Variants in MLLT6 observed in about 807,000 individuals in gnomAD.
MLLT6 encodes the protein protein AF-17.
Under a neutral mutation model 103.0 loss-of-function variants are expected in MLLT6, and 22 were observed. The observed-to-expected ratio is 0.21, with a 90% CI of 0.15 to 0.31. The LOEUF (loss-of-function observed/expected upper bound fraction) is 0.31, where lower values mean the gene tolerates loss of function less well. Among genes scored for constraint, MLLT6 ranks in the 10% least tolerant of loss-of-function variants. MLLT6 has a pLI of 1.00. For missense variants in MLLT6, 1,199 were observed against 1,441.7 expected, an observed-to-expected ratio of 0.83 and a Z score of 2.73; for synonymous variants, 606 against 623.5, an observed-to-expected ratio of 0.97 and a Z score of 0.42.
chr17:38,721,787 T>C lies in MLLT6; in HGVS notation c.2443-91T>C, dbSNP rs562486047. On this transcript the variant is annotated intron_variant, in intron 16 of 19. Transcript: ENST00000621332. ...TGCCTGGGGGTGAAGTGGGGGTTGCTGTGCTCTGTGAGAATGCTGGTGGGT... is the reference window on the plus strand; with the variant it reads ...TGCCTGGGGGTGAAGTGGGGGTTGCCGTGCTCTGTGAGAATGCTGGTGGGT... The C allele has an allele frequency of 2.9e-4, 249 of 853,492 alleles. 1 individual carries two copies. The African/African-American group carries it at 4.0e-3, about 14-fold the overall frequency. The allele number at this position is 853,492 out of a possible 1,614,324, so 52.9% of individuals were successfully genotyped here.
intron 17 of MLLT6, 26 bp downstream of exon 17, chr17:38,722,253 G>T: frequency 7.4e-7 from 1 of 1,356,944 alleles, no homozygotes; most frequent in South Asian, 1.8e-5. Flanking sequence ...GCCCTGGGAA[G>T]GGGAACAGGG....
At position 38,712,028 on chromosome 17, in the gene MLLT6, C is replaced by T. The variant is rs1275054588; in HGVS notation, c.720+14C>T. On this transcript the variant is annotated intron_variant, in intron 7 of 19. Coordinates refer to ENST00000621332, the MANE Select transcript of MLLT6 (RefSeq NM_005937.4). ...GGCCAGAAGAAGGTAGAAGTCCTCC[C>T]CCACCTGCCATCACTCCCACACGGG... 3.3e-6 allele frequency: 5 copies of T among 1,535,954 alleles called. No homozygotes were observed. Among genetic ancestry groups the T allele is most frequent in the African/African-American group, 1.4e-5 (1 of 72,316 alleles).
In MLLT6 at chr17:38,711,907, A is replaced by G. The variant is rs1472459983; in HGVS notation, c.613A>G (p.Met205Val). 2.5e-6 allele frequency: 4 copies of G among 1,607,738 alleles called. No homozygotes were observed. Among genetic ancestry groups the G allele is most frequent in the Non-Finnish European group, 3.4e-6 (4 of 1,176,710 alleles). ...AGGCGCTGGAGGAGGAGGTGGCAGC[A>G]TGGGGGGAGGTGGCAGTGGTTTCAT... The part of the protein sequence containing the change: ...GGGAGGGGGS[M>V]GGGGSGFISG... The change falls in exon 7 of 20, where the codon ATG becomes GTG. Residue 205 changes from methionine to valine, a missense_variant. Met to Val is a conservative substitution (Grantham distance 21). This residue lies in a region of MLLT6 where 1,034 missense variants were observed against 1,091.5 expected (regional missense o/e 0.95). Coordinates refer to ENST00000621332, the MANE Select transcript of MLLT6 (RefSeq NM_005937.4).
Position 38,724,763 on chromosome 17 carries a change from C to T in MLLT6, c.3027C>T (p.Thr1009=). The part of the protein sequence containing the change: ...GSSTPLLSAG[T]PGLLPTASAP... The stretch of plus-strand genomic sequence containing the variant: ...CCACCCCGCTGCTGTCTGCGGGTAC[C>T]CCTGGCCTGCTGCCCACAGCGTCTG... Residue 1009 remains threonine (T), a synonymous_variant, in exon 19 of 20, where the codon ACC becomes ACT. Transcript: ENST00000621332. This position sits in a 1 kb window ranked among gnomAD's most constrained non-coding sequence, Gnocchi z 5.4. The T allele has an allele frequency of 6.2e-7, 1 of 1,608,730 alleles. No individual in the cohort carries two copies.
At position 38,712,030 on chromosome 17, in the gene MLLT6, C is replaced by A. The variant is rs539272926; in HGVS notation, c.720+16C>A. The A allele has an allele frequency of 1.5e-5, 23 of 1,532,580 alleles. No homozygotes were observed. Among genetic ancestry groups the A allele is most frequent in the African/African-American group, 5.5e-5 (4 of 72,316 alleles). The allele number at this position is 1,532,580 out of a possible 1,614,324, so 94.9% of individuals were successfully genotyped here. Reference sequence around the variant, plus strand: ...CCAGAAGAAGGTAGAAGTCCTCCCCCACCTGCCATCACTCCCACACGGGGA... The same window carrying A: ...CCAGAAGAAGGTAGAAGTCCTCCCCAACCTGCCATCACTCCCACACGGGGA... On this transcript the variant is annotated intron_variant, in intron 7 of 19. Transcript: ENST00000621332.
chr17:38,720,513 C>G lies in MLLT6; in HGVS notation c.2297C>G (p.Ala766Gly), dbSNP rs1343118877. The G allele has an allele frequency of 6.2e-7, 1 of 1,612,140 alleles. No individual in the cohort carries two copies. Among genetic ancestry groups the G allele is most frequent in the East Asian group, 2.2e-5 (1 of 44,832 alleles). The change falls in exon 15 of 20, where the codon GCT becomes GGT. Residue 766 changes from alanine to glycine, a missense_variant. Physicochemically the swap from Ala to Gly is moderately conservative, Grantham distance 60. This residue lies in a region of MLLT6 where 1,034 missense variants were observed against 1,091.5 expected (regional missense o/e 0.95). Coordinates refer to ENST00000621332, the MANE Select transcript of MLLT6 (RefSeq NM_005937.4). ...TCTGTGCCCTTCCCTGCCCTGCCTG[C>G]TGCCCTGCCTGCCGCCAACGGCCCT... is the stretch of plus-strand genomic sequence containing the variant. ...QLSVPFPALP[A>G]ALPAANGPVP...
rs201996349 is a variant in MLLT6, at chr17:38,720,422, C to T, written c.2206C>T (p.Leu736=). 1.2e-5 allele frequency: 20 copies of T among 1,612,704 alleles called. No homozygotes were observed. In the East Asian group the frequency reaches 3.3e-4, roughly 27 times the overall value. Residue 736 remains leucine, a synonymous_variant, in exon 15 of 20, where the codon CTG becomes TTG. Coordinates refer to ENST00000621332, the MANE Select transcript of MLLT6 (RefSeq NM_005937.4). ...CGCGCTGCAGAAGGAGAACCAGCGG[C>T]TGCAAGAGCAGATCCTGAGCCTGAC... is the stretch of plus-strand genomic sequence containing the variant. ...LHALQKENQR[L]QEQILSLTAK... is the part of the protein sequence containing the mutation.
At position 38,707,753 on chromosome 17, in the gene MLLT6, A is replaced by C. The variant is rs199974907; in HGVS notation, c.245-10A>C. The C allele has an allele frequency of 1.1e-4, 167 of 1,571,692 alleles. No homozygotes were observed. Among genetic ancestry groups the C allele is most frequent in the Non-Finnish European group, 1.4e-4 (161 of 1,142,082 alleles). Reference sequence around the variant, plus strand: ...CATCTGCAGCTGAGGCTACCCCCACACTGCCCCAGGCTGGGCACACGTGGT... The same window carrying C: ...CATCTGCAGCTGAGGCTACCCCCACCCTGCCCCAGGCTGGGCACACGTGGT... On this transcript the variant is annotated splice_polypyrimidine_tract_variant and intron_variant, in intron 3 of 19. Transcript: ENST00000621332.
At position 38,729,466 on chromosome 17, in the gene MLLT6, C is replaced by T. The variant is rs1906205884; in HGVS notation, c.*3868C>T. ...CCTTTGTTCACTTTCTCCAGCTCAA[C>T]TTGGGACTTGGGTGGTGGGACTGGA... On this transcript the variant is annotated 3_prime_UTR_variant, in exon 20 of 20. Coordinates refer to ENST00000621332, the MANE Select transcript of MLLT6 (RefSeq NM_005937.4). 4.3e-6 allele frequency: 1 copy of T among 233,556 alleles called. No individual in the cohort carries two copies. The highest frequency in any genetic ancestry group is 8.5e-6 in the Non-Finnish European group (1 of 118,062). 14.5% of individuals were successfully genotyped at this position (233,556 alleles called of 1,614,324 possible). A position where few individuals can be genotyped will look rare whatever the true frequency, so the allele number is the denominator to read the frequency against.
At chr17:38,707,693 G>T in intron 3 of MLLT6, 70 bp from the exon 4 acceptor site, 7 of 1,227,842 alleles carry the variant, frequency 5.7e-6, no homozygotes, top group African/African-American at 1.5e-5. Context: ...ACAGTCTGCA[G>T]CGTGGGGTCA....
chr17:38,715,488 C>T, intron 8 of MLLT6, 124 bp from the exon 9 acceptor site: 1 of 1,420,112 alleles, frequency 7.0e-7, no homozygotes, highest in Non-Finnish European at 9.2e-7. Context: ...GGAAGTCCTT[C>T]ATGAAACTAG....
chr17:38,715,549 C>G, intron 8 of MLLT6, 63 bp from the exon 9 acceptor site: 3 of 1,520,974 alleles, frequency 2.0e-6, no homozygotes, highest in Non-Finnish European at 2.6e-6. Flanking sequence ...GCTTCACTCC[C>G]ACATCAGGAT....
Position 38,707,706 on chromosome 17 carries a change from AGG to A in MLLT6, c.245-54_245-53del, listed in dbSNP as rs1189386589. On this transcript the variant is annotated intron_variant, in intron 3 of 19. Transcript: ENST00000621332. ...GAACAGTCTGCAGCGTGGGGTCATAAGGGGTGGAGTCTCCGGCTTGCCATCTG... is the reference window on the plus strand; with the variant it reads ...GAACAGTCTGCAGCGTGGGGTCATAAGGTGGAGTCTCCGGCTTGCCATCTG... 51 of 1,252,966 alleles carry A rather than the reference AGG, an allele frequency of 4.1e-5. 1 individual carries two copies. In the Admixed American group the frequency reaches 8.1e-4, roughly 20 times the overall value. The allele number at this position is 1,252,966 out of a possible 1,614,324, so 77.6% of individuals were successfully genotyped here.
intron 14 of MLLT6, 90 bp from the exon 15 acceptor site, chr17:38,720,282 G>T: frequency 7.8e-7 from 1 of 1,276,902 alleles, no homozygotes; most frequent in South Asian, 1.4e-5. Flanking sequence ...CAAGGGCTGA[G>T]CACTGGCTCC....
chr17:38,718,101 G>A, intron 12 of MLLT6, 148 bp downstream of exon 12: 1 of 605,772 alleles, frequency 1.7e-6, no homozygotes, highest in East Asian at 2.9e-5. Context: ...CAGGCCGGGT[G>A]TGGTGGCTCA....
intron 14 of MLLT6, 27 bp downstream of exon 14, chr17:38,719,922 C>A (rs371341094): frequency 6.5e-7 from 1 of 1,547,942 alleles, no homozygotes; most frequent in Admixed American, 2.0e-5. Context: ...CCGGTCGGGA[C>A]GCCTGCCCTA....
At chr17:38,708,097 T>C in intron 4 of MLLT6, 2 of 567,680 alleles carry the variant, frequency 3.5e-6, no homozygotes, top group South Asian at 4.2e-5. Flanking sequence ...TGCCAGAGGG[T>C]AGACCTTCGC....
rs574314205 is a variant in MLLT6, at chr17:38,708,030, C to T, written c.354+158C>T. On this transcript the variant is annotated intron_variant, in intron 4 of 19. Transcript: ENST00000621332. ...TACCAGTGAACCACCCTTCTGTTGA[C>T]AGACACACTCATGCTCTGGCACTCA... is the stretch of plus-strand genomic sequence containing the variant. The T allele has an allele frequency of 1.7e-4, 104 of 613,764 alleles. 1 individual carries two copies. The South Asian group carries it at 1.9e-3, about 11-fold the overall frequency. 38.0% of individuals were successfully genotyped at this position (613,764 alleles called of 1,614,324 possible). A position where few individuals can be genotyped will look rare whatever the true frequency, so the allele number is the denominator to read the frequency against.
In MLLT6 at chr17:38,721,924, T is replaced by C; in HGVS notation, c.2489T>C (p.Phe830Ser). 6.4e-7 allele frequency: 1 copy of C among 1,564,652 alleles called. No homozygotes were observed. The highest frequency in any genetic ancestry group is 8.6e-7 in the Non-Finnish European group (1 of 1,163,254). ...AGCCGCAGCAGCTCGTCGCTGTCCT[T>C]CCACAGCACGCCCCCACCGCTGCCC... is the stretch of plus-strand genomic sequence containing the variant. ...CPSRSSSSLS[F>S]HSTPPPLPLL... Residue 830 changes from phenylalanine to serine, a missense_variant, in exon 17 of 20, where the codon TTC (phenylalanine) becomes TCC (serine). Transcript: ENST00000621332.
Sources: gnomAD v4.1 joint callset for allele counts on GRCh38, gnomAD v4.1.1 for gene constraint, gnomAD v4.1.1 regional missense constraint, Gnocchi (gnomAD v3.1) non-coding constraint, MANE v1.5 for transcripts, NCBI Gene and HGNC (gene_info 2026-07-23, HGNC 2026-07-21) for gene names.